Variants in IGFL2 observed in about 807,000 individuals in gnomAD.
IGFL2 encodes IGF like family member 2.
In IGFL2, 7 loss-of-function variants were observed where a neutral mutation model predicts 13.9. The observed-to-expected ratio is 0.51, with a 90% confidence interval of 0.29 to 0.95. IGFL2 has a LOEUF of 0.95. IGFL2 is among the 40% of genes least tolerant of loss of function. The pLI is 0.08. For synonymous variants in IGFL2, 55 were observed against 55.8 expected, an observed-to-expected ratio of 0.99 and a Z score of 0.07; for missense variants, 138 against 147.8, an observed-to-expected ratio of 0.93 and a Z score of 0.34.
chr19:46,213,016 T>A, the IGFL2 span: 10 of 152,138 alleles, frequency 6.6e-5, no homozygotes, highest in African/African-American at 2.4e-4. Flanking sequence ...TGCAGGTGAG[T>A]GAGCAGTTAC....
chr19:46,159,725 C>T (rs997977461), intron 1 of IGFL2: 1 of 152,226 alleles, frequency 6.6e-6, no homozygotes, highest in Non-Finnish European at 1.5e-5. Context: ...TATCTCTCAA[C>T]CTTCACCCAC....
chr19:46,151,730 G>C (rs946361592), intron 1 of IGFL2, among the ~76,000 whole-genome samples: 3 of 152,248 alleles, frequency 2.0e-5, no homozygotes, highest in Middle Eastern at 3.4e-3. Flanking sequence ...GGGCCATATG[G>C]TGAGACCACA....
At chr19:46,092,862 G>A in the IGFL2 span, among the ~76,000 whole-genome samples, 4 of 152,070 alleles carry the variant, frequency 2.6e-5, no homozygotes, top group South Asian at 8.3e-4. Flanking sequence ...TCTTTTAAAA[G>A]GGCATACTGT....
the IGFL2 span, among the ~76,000 whole-genome samples, chr19:46,105,773 C>T: frequency 1.3e-5 from 2 of 152,250 alleles, no homozygotes; most frequent in East Asian, 3.9e-4. Context: ...GCAGCTGCTG[C>T]ACACAGAGAT....
chr19:46,136,960 G>C, the IGFL2 span: 1,869 of 1,370,780 alleles, frequency 1.4e-3, 18 homozygotes, highest in South Asian at 0.012. Flanking sequence ...GCTGCTACCT[G>C]CTGTATATCT....
chr19:46,123,920 A>C, the IGFL2 span: 4 of 1,611,200 alleles, frequency 2.5e-6, no homozygotes, highest in Non-Finnish European at 3.4e-6. Context: ...GATAAGTGAC[A>C]CTGAGACTTC....
At chr19:46,138,430 A>G (rs117040807), upstream of IGFL2, among the ~76,000 whole-genome samples, 236 of 152,234 alleles carry the variant, frequency 1.6e-3, 5 homozygotes, top group East Asian at 0.04. Flanking sequence ...TGCTAGCAAC[A>G]ACACTCCAAC....
At chr19:46,117,408 A>T in the IGFL2 span, among the ~76,000 whole-genome samples, 3 of 150,484 alleles carry the variant, frequency 2.0e-5, no homozygotes, top group Non-Finnish European at 3.0e-5. Context: ...TTAAAAGTCA[A>T]TTTTTTTTTC....
At chr19:46,192,616 TCA>T in the IGFL2 span, among the ~76,000 whole-genome samples, 2 of 152,026 alleles carry the variant, frequency 1.3e-5, no homozygotes, top group African/African-American at 4.8e-5. Context: ...GACAGGGGTT[TCA>T]CCATGTTGAC....
the IGFL2 span, among the ~76,000 whole-genome samples, chr19:46,167,009 A>C: frequency 6.6e-6 from 1 of 152,228 alleles, no homozygotes; most frequent in Non-Finnish European, 1.5e-5. Context: ...TTAAGAGATT[A>C]AAGTAAAGAC....
the IGFL2 span, among the ~76,000 whole-genome samples, chr19:46,079,817 C>T: frequency 2.6e-5 from 4 of 152,090 alleles, no homozygotes; most frequent in South Asian, 2.1e-4. Flanking sequence ...AAAAGCCTTC[C>T]CTCAAGGAAA....
At chr19:46,205,321 A>G in the IGFL2 span, among the ~76,000 whole-genome samples, 42 of 152,184 alleles carry the variant, frequency 2.8e-4, no homozygotes, top group Non-Finnish European at 5.7e-4. Context: ...CCAATAGGAA[A>G]AGGCTACCTG....
At chr19:46,151,682 G>C (rs1288768825) in intron 1 of IGFL2, among the ~76,000 whole-genome samples, 2 of 152,202 alleles carry the variant, frequency 1.3e-5, no homozygotes, top group Non-Finnish European at 2.9e-5. Flanking sequence ...GGCCAAGGAA[G>C]GTGGATGGCT....
At chr19:46,133,877 T>C in the IGFL2 span, among the ~76,000 whole-genome samples, 3 of 152,110 alleles carry the variant, frequency 2.0e-5, no homozygotes, top group Non-Finnish European at 4.4e-5. Flanking sequence ...TGACATGAGG[T>C]CAAAATAGTT....
chr19:46,164,253 G>C (rs965006440), downstream of IGFL2: 5 of 151,184 alleles, frequency 3.3e-5, no homozygotes, highest in African/African-American at 1.2e-4. Flanking sequence ...GTGACTGTAG[G>C]TCCTGGTTGG....
rs1462065803 is a variant in IGFL2, at chr19:46,161,167, A to T, written c.*79A>T. On this transcript the variant is annotated 3_prime_UTR_variant, in exon 4 of 4. Transcript: ENST00000377693. ...AAGGTAATATGTGTACCAGTAGAGA[A>T]GCCTGAGGAATTTACAAAATGATGC... 9.0e-6 allele frequency: 10 copies of T among 1,114,030 alleles called. No individual in the cohort carries two copies. The highest frequency in any genetic ancestry group is 1.3e-5 in the Non-Finnish European group (10 of 759,144). The allele number at this position is 1,114,030 out of a possible 1,614,324, so 69.0% of individuals were successfully genotyped here. A position where few individuals can be genotyped will look rare whatever the true frequency, so the allele number is the denominator to read the frequency against.
At chr19:46,147,516 T>C (rs1241642585), upstream of IGFL2, among the ~76,000 whole-genome samples, 1 of 152,172 alleles carries the variant, frequency 6.6e-6, no homozygotes, top group Non-Finnish European at 1.5e-5. Flanking sequence ...TTGATTGCAA[T>C]GTATTATAGG....
chr19:46,115,650 ACT>A, the IGFL2 span, among the ~76,000 whole-genome samples: 198 of 151,724 alleles, frequency 1.3e-3, 1 homozygote, highest in South Asian at 8.6e-3. Flanking sequence ...TCACTACCCG[ACT>A]CTCTGTGTAA....
intron 1 of IGFL2, among the ~76,000 whole-genome samples, chr19:46,156,418 A>G (rs1208929781): frequency 6.6e-6 from 1 of 152,206 alleles, no homozygotes; most frequent in Non-Finnish European, 1.5e-5. Context: ...GCCGTAAAAC[A>G]AACCTCAACA....
Sources: gnomAD v4.1 joint callset for allele counts (sites outside exome capture counted in the v4.1 genomes callset) on GRCh38, gnomAD v4.1.1 for gene constraint, MANE v1.5 for transcripts, NCBI Gene and HGNC (gene_info 2026-07-23, HGNC 2026-07-21) for gene names.